The following PRKCE variants were observed in gnomAD, a reference collection of about 807,000 sequenced individuals.
PRKCE encodes the protein protein kinase C epsilon type.
A neutral mutation model predicts 85.4 loss-of-function variants in PRKCE; 16 were observed. That is an observed-to-expected ratio of 0.19 (90% confidence interval 0.13 to 0.28). PRKCE has a LOEUF of 0.28. Ranked by LOEUF, PRKCE falls within the 10% of genes least tolerant of loss-of-function variation. The probability of loss-of-function intolerance (pLI) is 1.00; values close to 1 mark genes in which losing one functional copy is unlikely to be tolerated. For synonymous variants in PRKCE, 388 were observed against 371.5 expected, an observed-to-expected ratio of 1.04 and a Z score of -0.51; for missense variants, 573 against 975.2, an observed-to-expected ratio of 0.59 and a Z score of 5.49.
rs4528811 is a variant in PRKCE, at chr2:45,835,510, A to G, written c.349-7490A>G. On this transcript the variant is annotated intron_variant, in intron 1 of 14. Transcript: ENST00000306156. ...TGTTTTGCCCGTTCTAGAACATCGTAGAAGTGGAATGCTATGGTATATACT... is the reference window on the plus strand; with the variant it reads ...TGTTTTGCCCGTTCTAGAACATCGTGGAAGTGGAATGCTATGGTATATACT... Among the ~76,000 whole-genome samples, 13 of 152,040 alleles carry G rather than the reference A, an allele frequency of 8.6e-5. No individual in the cohort carries two copies. The East Asian group carries it at 1.5e-3, about 18-fold the overall frequency.
At chr2:45,959,058 G>C (rs576212846) in intron 2 of PRKCE, among the ~76,000 whole-genome samples, 1 of 151,220 alleles carries the variant, frequency 6.6e-6, no homozygotes, top group Non-Finnish European at 1.5e-5. Flanking sequence ...ATTAAGTTGC[G>C]GGTAGTTCTT....
At chr2:45,889,351 A>G (rs546835065) in intron 2 of PRKCE, among the ~76,000 whole-genome samples, 3 of 152,260 alleles carry the variant, frequency 2.0e-5, no homozygotes, top group African/African-American at 7.2e-5. Context: ...ACCAGGCATA[A>G]ATGGTCCATA....
rs142001930 is a variant in PRKCE, at chr2:45,905,657, G to C, written c.412+62594G>C. Among the ~76,000 whole-genome samples the C allele has an allele frequency of 3.0e-3, 450 of 152,310 alleles. No individual in the cohort carries two copies. The highest frequency in any genetic ancestry group is 7.2e-3 in the Admixed American group (110 of 15,306). Reference sequence around the variant, plus strand: ...TGAGGGCTGGCCGGGGCCCTAGCTGGGGAACCTCTGATGCTGGGAGGGTGG... The same window carrying C: ...TGAGGGCTGGCCGGGGCCCTAGCTGCGGAACCTCTGATGCTGGGAGGGTGG... On this transcript the variant is annotated intron_variant, in intron 2 of 14. Coordinates refer to ENST00000306156, the MANE Select transcript of PRKCE (RefSeq NM_005400.3). The surrounding 1 kb of genome is among the most constrained non-coding windows in gnomAD (Gnocchi z 4.4).
intron 1 of PRKCE, among the ~76,000 whole-genome samples, chr2:45,683,014 C>G (rs547629760): frequency 6.6e-6 from 1 of 152,252 alleles, no homozygotes; most frequent in South Asian, 2.1e-4. Context: ...TATTGTACGT[C>G]TTTTATTTAT....
intron 2 of PRKCE, among the ~76,000 whole-genome samples, chr2:45,953,903 T>A (rs966869073): frequency 1.3e-5 from 2 of 152,194 alleles, no homozygotes; most frequent in Non-Finnish European, 2.9e-5. Context: ...TACCAGTTGA[T>A]GTAGGCAAAG....
intron 11 of PRKCE, among the ~76,000 whole-genome samples, chr2:46,089,355 T>C (rs1669944284): frequency 6.6e-6 from 1 of 152,172 alleles, no homozygotes; most frequent in African/African-American, 2.4e-5. Flanking sequence ...CCTCTCCCCA[T>C]CAATGTTGGA....
At chr2:45,994,821 C>A (rs1704089980) in intron 6 of PRKCE, among the ~76,000 whole-genome samples, 1 of 152,168 alleles carries the variant, frequency 6.6e-6, no homozygotes, top group South Asian at 2.1e-4. Context: ...ATTGCTGGAT[C>A]TTATGGTAAT....
At chr2:45,878,758 A>G (rs891317752) in intron 2 of PRKCE, among the ~76,000 whole-genome samples, 2 of 152,234 alleles carry the variant, frequency 1.3e-5, no homozygotes, top group African/African-American at 2.4e-5. Flanking sequence ...TACCAAAGAC[A>G]TAATAAAGAA....
At position 46,068,022 on chromosome 2, in the gene PRKCE, T is replaced by C. The variant is rs1175092397; in HGVS notation, c.1438-18186T>C. Among the ~76,000 whole-genome samples, 1 of 152,170 alleles carries C rather than the reference T, an allele frequency of 6.6e-6. No homozygotes were observed. The highest frequency in any genetic ancestry group is 2.4e-5 in the African/African-American group (1 of 41,432). On this transcript the variant is annotated intron_variant, in intron 10 of 14. Transcript: ENST00000306156. This position sits in a 1 kb window ranked among gnomAD's most constrained non-coding sequence, Gnocchi z 4.3. ...CTTACTGGCTTACTGATTATATCAC[T>C]CGCGAAGGGATTAGTCAGAAGGCAA...
At chr2:45,965,737 C>T (rs1393458748) in intron 2 of PRKCE, among the ~76,000 whole-genome samples, 1 of 152,162 alleles carries the variant, frequency 6.6e-6, no homozygotes, top group African/African-American at 2.4e-5. Flanking sequence ...ATTATATACC[C>T]TTGCAGAAAT....
At chr2:45,839,896 T>G (rs1691207594) in intron 1 of PRKCE, among the ~76,000 whole-genome samples, 1 of 152,218 alleles carries the variant, frequency 6.6e-6, no homozygotes, top group African/African-American at 2.4e-5. Flanking sequence ...TTAATTTCTA[T>G]TTTTCTGTTT....
chr2:45,802,672 C>G (rs555945374), intron 1 of PRKCE, among the ~76,000 whole-genome samples: 1 of 152,318 alleles, frequency 6.6e-6, no homozygotes, highest in East Asian at 1.9e-4. Flanking sequence ...CCACTCCGCC[C>G]CACTTCACAG....
intron 10 of PRKCE, among the ~76,000 whole-genome samples, chr2:46,084,162 C>A (rs11125048): frequency 1.7e-4 from 26 of 151,968 alleles, no homozygotes; most frequent in Non-Finnish European, 3.1e-4. Context: ...GCTTTGAAGG[C>A]GAAGGGCAAA....
chr2:46,069,753 C>A (rs79050887), intron 10 of PRKCE, among the ~76,000 whole-genome samples: 1 of 152,122 alleles, frequency 6.6e-6, no homozygotes, highest in Non-Finnish European at 1.5e-5. Context: ...TTTAGTTTTT[C>A]TTGGCAACTT....
intron 9 of PRKCE, among the ~76,000 whole-genome samples, chr2:46,009,113 A>G (rs1476438599): frequency 1.3e-5 from 2 of 152,244 alleles, no homozygotes; most frequent in Non-Finnish European, 2.9e-5. Context: ...ATCAAATGAT[A>G]GGAACACTTT....
intron 1 of PRKCE, among the ~76,000 whole-genome samples, chr2:45,822,210 G>A (rs924780677): frequency 1.3e-5 from 2 of 152,250 alleles, no homozygotes; most frequent in African/African-American, 4.8e-5. Flanking sequence ...AGACAGGGAA[G>A]CTAAATGTTC....
intron 11 of PRKCE, among the ~76,000 whole-genome samples, chr2:46,141,650 A>T (rs1675542227): frequency 6.6e-6 from 1 of 152,186 alleles, no homozygotes. Context: ...ACATTGGCTC[A>T]CATATTGGGA....
At position 46,091,896 on chromosome 2, in the gene PRKCE, T is replaced by C. The variant is rs551923189; in HGVS notation, c.1592+5534T>C. Among the ~76,000 whole-genome samples the C allele has an allele frequency of 2.0e-5, 3 of 152,376 alleles. No individual in the cohort carries two copies. The South Asian group carries it at 6.2e-4, about 32-fold the overall frequency. ...ATTTCTTGTCCTTTTTTCTTCATTC[T>C]TCCCTTCTGATAAAATCGAACTCTT... On this transcript the variant is annotated intron_variant, in intron 11 of 14. Transcript: ENST00000306156.
chr2:45,938,640 C>T (rs1046081994), intron 2 of PRKCE, among the ~76,000 whole-genome samples: 1 of 152,188 alleles, frequency 6.6e-6, no homozygotes, highest in African/African-American at 2.4e-5. Context: ...TGGGTCCCTT[C>T]TCTTTTGCCT....
Sources: allele counts gnomAD v4.1 joint callset (sites outside exome capture counted in the v4.1 genomes callset), GRCh38; gene constraint gnomAD v4.1.1; non-coding constraint Gnocchi (gnomAD v3.1); transcripts MANE v1.5; gene names NCBI Gene and HGNC (gene_info 2026-07-23, HGNC 2026-07-21).